Variants in KHDRBS2 observed in about 807,000 individuals in gnomAD.
The protein encoded by KHDRBS2 is KH RNA binding domain containing, signal transduction associated 2.
Under a neutral mutation model 44.3 loss-of-function variants are expected in KHDRBS2, and 26 were observed. That is an observed-to-expected ratio of 0.59 (90% CI 0.43 to 0.81). The LOEUF (loss-of-function observed/expected upper bound fraction) is 0.81. KHDRBS2 is among the 40% of genes least tolerant of loss of function. KHDRBS2 has a pLI of 0.00. For missense variants in KHDRBS2, 476 were observed against 433.1 expected, an observed-to-expected ratio of 1.10 and a Z score of -0.88; for synonymous variants, 194 against 151.1, an observed-to-expected ratio of 1.28 and a Z score of -2.08.
At chr6:62,020,491 T>C (rs1328843376) in intron 3 of KHDRBS2, among the ~76,000 whole-genome samples, 9 of 152,038 alleles carry the variant, frequency 5.9e-5, no homozygotes, top group South Asian at 2.1e-4. Context: ...GTTCAACTCT[T>C]CTCTATCCTT....
At chr6:61,857,679 G>A (rs185073369) in intron 6 of KHDRBS2, among the ~76,000 whole-genome samples, 206 of 152,062 alleles carry the variant, frequency 1.4e-3, no homozygotes, top group African/African-American at 4.7e-3. Flanking sequence ...TATACACAGA[G>A]CTTCCCCTTG....
chr6:62,079,631 T>G (rs1012253530), intron 2 of KHDRBS2, among the ~76,000 whole-genome samples: 1 of 152,024 alleles, frequency 6.6e-6, no homozygotes, highest in Admixed American at 6.6e-5. Context: ...CCAACCTGTT[T>G]CAAATATTTG....
At chr6:61,653,010 GA>G in the KHDRBS2 span, among the ~76,000 whole-genome samples, 1 of 152,072 alleles carries the variant, frequency 6.6e-6, no homozygotes, top group Non-Finnish European at 1.5e-5. Flanking sequence ...AATGTGCAAA[GA>G]GAGCTATTAT....
the KHDRBS2 span, among the ~76,000 whole-genome samples, chr6:61,639,668 T>G: frequency 2.0e-5 from 3 of 152,074 alleles, no homozygotes; most frequent in Non-Finnish European, 2.9e-5. Flanking sequence ...GATGGTAAAG[T>G]CTTGGGGGTA....
chr6:61,893,650 C>CA (rs1195889813), intron 6 of KHDRBS2, among the ~76,000 whole-genome samples: 12 of 151,910 alleles, frequency 7.9e-5, no homozygotes, highest in African/African-American at 2.9e-4. Context: ...ATCGCAAAGA[C>CA]AAAAAACCAA....
At chr6:62,238,678 A>G (rs533218474) in intron 1 of KHDRBS2, among the ~76,000 whole-genome samples, 2 of 136,922 alleles carry the variant, frequency 1.5e-5, no homozygotes, top group South Asian at 4.7e-4. Flanking sequence ...AAGGCTTTTA[A>G]GTTTTATATA....
chr6:61,902,879 T>C (rs944344137), intron 4 of KHDRBS2, among the ~76,000 whole-genome samples: 2 of 152,202 alleles, frequency 1.3e-5, no homozygotes, highest in Non-Finnish European at 2.9e-5. Context: ...AAGGATTTCT[T>C]TGGCACAGCT....
At chr6:61,869,966 T>TC (rs1562339198) in intron 6 of KHDRBS2, among the ~76,000 whole-genome samples, 1 of 94,340 alleles carries the variant, frequency 1.1e-5, no homozygotes, top group African/African-American at 4.9e-5. Context: ...GCAGGAGTGT[T>TC]TTTTTTTTTT....
At chr6:61,771,338 A>G (rs1376566947) in intron 6 of KHDRBS2, among the ~76,000 whole-genome samples, 2 of 152,188 alleles carry the variant, frequency 1.3e-5, no homozygotes, top group Non-Finnish European at 2.9e-5. Flanking sequence ...ACATAACAAT[A>G]TTAACTTTAA....
At chr6:62,165,993 G>A (rs988042931) in intron 2 of KHDRBS2, among the ~76,000 whole-genome samples, 2 of 151,874 alleles carry the variant, frequency 1.3e-5, no homozygotes, top group Admixed American at 6.6e-5. Context: ...CCCTGTAACC[G>A]CTATTCCACT....
At chr6:61,933,473 ACGTTATGCACTG>A (rs1810465426) in intron 4 of KHDRBS2, among the ~76,000 whole-genome samples, 1 of 152,232 alleles carries the variant, frequency 6.6e-6, no homozygotes, top group Non-Finnish European at 1.5e-5. Context: ...CTTTGAATAT[ACGTTATGCACTG>A]CTTAACCATG....
At chr6:61,955,353 T>C (rs928758256) in intron 4 of KHDRBS2, among the ~76,000 whole-genome samples, 3 of 118,816 alleles carry the variant, frequency 2.5e-5, no homozygotes, top group Admixed American at 8.0e-5. Context: ...TGTATACATA[T>C]ATATGTATAC....
At chr6:61,736,621 TG>T (rs752713565) in intron 6 of KHDRBS2, among the ~76,000 whole-genome samples, 53 of 152,184 alleles carry the variant, frequency 3.5e-4, no homozygotes, top group Non-Finnish European at 5.6e-4. Flanking sequence ...TTTATTTTTG[TG>T]TTTCTGTTTC....
At chr6:62,226,251 CTT>C (rs1320822140) in intron 1 of KHDRBS2, among the ~76,000 whole-genome samples, 10 of 152,100 alleles carry the variant, frequency 6.6e-5, no homozygotes, top group African/African-American at 2.4e-4. Context: ...GAGATGGTAT[CTT>C]ATTGTAATTT....
chr6:61,753,918 G>A (rs1778109115), intron 6 of KHDRBS2, among the ~76,000 whole-genome samples: 1 of 152,104 alleles, frequency 6.6e-6, no homozygotes, highest in Non-Finnish European at 1.5e-5. Context: ...AGCAGAGGGA[G>A]ATAAGACATG....
At chr6:62,220,022 A>G (rs1393219759) in intron 1 of KHDRBS2, among the ~76,000 whole-genome samples, 1 of 150,650 alleles carries the variant, frequency 6.6e-6, no homozygotes, top group African/African-American at 2.4e-5. Flanking sequence ...AAAAATAAAA[A>G]AGACAAAGAA....
At chr6:61,810,933 T>C (rs2127592614) in intron 6 of KHDRBS2, among the ~76,000 whole-genome samples, 1 of 152,244 alleles carries the variant, frequency 6.6e-6, no homozygotes, top group Non-Finnish European at 1.5e-5. Context: ...AACCATTTTA[T>C]TTTATTATTA....
chr6:62,277,403 G>A (rs1214703599), intron 1 of KHDRBS2, among the ~76,000 whole-genome samples: 1 of 152,014 alleles, frequency 6.6e-6, no homozygotes, highest in Non-Finnish European at 1.5e-5. Flanking sequence ...GTGCAGTGGC[G>A]TGATCTCGGC....
At chr6:61,794,347 C>G (rs1231339508) in intron 6 of KHDRBS2, among the ~76,000 whole-genome samples, 1 of 152,098 alleles carries the variant, frequency 6.6e-6, no homozygotes, top group African/African-American at 2.4e-5. Flanking sequence ...CAAATGCAGC[C>G]CAGCCTAGCT....
Sources: allele counts gnomAD v4.1 joint callset (sites outside exome capture counted in the v4.1 genomes callset), GRCh38; gene constraint gnomAD v4.1.1; transcripts MANE v1.5; gene names NCBI Gene and HGNC (gene_info 2026-07-23, HGNC 2026-07-21).